The following CYP4F12 variants were observed in gnomAD, a reference collection of about 807,000 sequenced individuals.
CYP4F12 encodes the protein cytochrome P450 family 4 subfamily F member 12.
CYP4F12 carries 60 observed loss-of-function variants against 56.5 expected under a neutral mutation model. That is an observed-to-expected ratio of 1.06 (90% confidence interval 0.86 to 1.32). The LOEUF (loss-of-function observed/expected upper bound fraction) is 1.32. CYP4F12 is among the 40% of genes most tolerant of loss of function. The pLI, the probability that CYP4F12 is intolerant of heterozygous loss-of-function variation, is 0.00. For synonymous variants in CYP4F12, 263 were observed against 264.9 expected (o/e 0.99, Z 0.07); for missense variants, 711 against 683.5 (o/e 1.04, Z -0.45).
rs762064960 is a variant in CYP4F12 at position 15,683,492 on chromosome 19, G to A, written c.648-1G>A. ...CCTCCCTTTCTGCCCTTGCTCTGCA[G>A]GAGGCCCAGTGAATATATTGCCACC... On this transcript the variant is annotated splice_acceptor_variant, in intron 6 of 12. Coordinates refer to ENST00000550308, the MANE Select transcript of CYP4F12 (RefSeq NM_023944.4). LOFTEE classifies it high-confidence loss of function. 1.1e-5 allele frequency: 18 copies of A among 1,592,568 alleles called. No individual in the cohort carries two copies. In the African/African-American group the frequency reaches 2.4e-4, roughly 21 times the overall value.
chr19:15,680,241 C>T lies in CYP4F12; in HGVS notation c.344-3C>T, dbSNP rs756550831. 3 of 1,597,960 alleles carry T rather than the reference C, an allele frequency of 1.9e-6. No homozygotes were observed. In the African/African-American group the frequency reaches 4.0e-5, roughly 21 times the overall value. On this transcript the variant is annotated splice_region_variant and splice_polypyrimidine_tract_variant and intron_variant, in intron 3 of 12. Coordinates refer to ENST00000550308, the MANE Select transcript of CYP4F12 (RefSeq NM_023944.4). ...GGCCCCTGATGGTCCTCGTTCATGT[C>T]AGCTGCCATTGCACCCAAGGATAAT...
chr19:15,680,727 A>C lies in CYP4F12; in HGVS notation c.525+208A>C, dbSNP rs766411170. The C allele has an allele frequency of 6.5e-5, 42 of 646,700 alleles. No homozygotes were observed. The Admixed American group carries it at 1.1e-3, about 17-fold the overall frequency. The allele number at this position is 646,700 out of a possible 1,614,324, so 40.1% of individuals were successfully genotyped here. A position where few individuals can be genotyped will look rare whatever the true frequency, so the allele number is the denominator to read the frequency against. ...ACACAGTAGGTTCTCAGAAGGTGTC[A>C]GTTTCTGTGTTTTTCTCACAGAATC... On this transcript the variant is annotated intron_variant, in intron 5 of 12. Coordinates refer to ENST00000550308, the MANE Select transcript of CYP4F12 (RefSeq NM_023944.4).
intron 10 of CYP4F12, 35 bp from the exon 11 acceptor site, chr19:15,696,126 G>C: frequency 6.2e-7 from 1 of 1,611,854 alleles, no homozygotes; most frequent in Non-Finnish European, 8.5e-7. Context: ...TCCCTCAGGG[G>C]ATCCTTGTCC....
In CYP4F12 at chr19:15,684,862, C is replaced by T. The variant is rs1192064145; in HGVS notation, c.965C>T (p.Ala322Val). Residue 322 changes from alanine to valine, a missense_variant, in exon 8 of 13, where the codon GCT (alanine) becomes GTT (valine). Transcript: ENST00000550308. ...TCAGATGAGGATATAAGAGCAGAGG[C>T]TGACACCTTCATGTTTGGAGGTGAG... ...ALSDEDIRAE[A>V]DTFMFGGHDT... 1 of 1,607,514 alleles carries T rather than the reference C, an allele frequency of 6.2e-7. No individual in the cohort carries two copies. Among genetic ancestry groups the T allele is most frequent in the Admixed American group, 1.7e-5 (1 of 59,628 alleles).
Position 15,673,676 on chromosome 19 carries a change from G to T in CYP4F12, c.147G>T (p.Gln49His). ...TCTATAACAACTGCCGCCGGCTCCA[G>T]TGTTTCCCACAGCCCCCAAAACGGA... Reference protein sequence around the residue: ...YAFYNNCRRLQCFPQPPKRNW... With the variant: ...YAFYNNCRRLHCFPQPPKRNW... Residue 49 changes from glutamine to histidine, a missense_variant, in exon 2 of 13, where the codon CAG (glutamine) becomes CAT (histidine). Coordinates refer to ENST00000550308, the MANE Select transcript of CYP4F12 (RefSeq NM_023944.4). 6.2e-7 allele frequency: 1 copy of T among 1,614,152 alleles called. No individual in the cohort carries two copies. The highest frequency in any genetic ancestry group is 8.5e-7 in the Non-Finnish European group (1 of 1,180,010).
At chr19:15,684,693 T>C in intron 7 of CYP4F12, 123 bp from the exon 8 acceptor site, 1 of 1,000,092 alleles carries the variant, frequency 1.0e-6, no homozygotes, top group South Asian at 1.5e-5. Flanking sequence ...TTTGAGTTTC[T>C]GGAAGATCAG....
At position 15,673,628 on chromosome 19, in the gene CYP4F12, C is replaced by T. The variant is rs202174829; in HGVS notation, c.99C>T (p.Arg33=). 96 of 1,614,088 alleles carry T rather than the reference C, an allele frequency of 5.9e-5. No individual in the cohort carries two copies. The highest frequency in any genetic ancestry group is 7.4e-5 in the Non-Finnish European group (87 of 1,180,044). The part of the protein sequence containing the change: ...LLVVGSWLLA[R]ILAWTYAFYN... Reference sequence around the variant, plus strand: ...TTGTGGGCTCCTGGCTACTCGCCCGCATCCTGGCTTGGACCTATGCCTTCT... The same window carrying T: ...TTGTGGGCTCCTGGCTACTCGCCCGTATCCTGGCTTGGACCTATGCCTTCT... Residue 33 remains arginine, a synonymous_variant, in exon 2 of 13, where the codon CGC becomes CGT. Coordinates refer to ENST00000550308, the MANE Select transcript of CYP4F12 (RefSeq NM_023944.4).
intron 1 of CYP4F12, 187 bp from the exon 2 acceptor site, chr19:15,673,342 T>C (rs17641206): frequency 0.3 from 190,019 of 627,270 alleles, 32,996 homozygotes; most frequent in East Asian, 0.7. Flanking sequence ...GTTACCAGGT[T>C]ACTGGAGGCC....
At chr19:15,676,371 C>T (rs2006925810) in intron 2 of CYP4F12, among the ~76,000 whole-genome samples, 1 of 102,638 alleles carries the variant, frequency 9.7e-6, no homozygotes, top group Non-Finnish European at 2.1e-5. Flanking sequence ...TCATTCCTCT[C>T]CTCACTCACT....
intron 9 of CYP4F12, among the ~76,000 whole-genome samples, chr19:15,688,797 T>G (rs867892412): frequency 6.6e-6 from 1 of 152,116 alleles, no homozygotes; most frequent in Admixed American, 6.5e-5. Flanking sequence ...GACCCAGAAA[T>G]AAAGCCAAAT....
intron 9 of CYP4F12, among the ~76,000 whole-genome samples, chr19:15,692,441 G>A: frequency 6.6e-6 from 1 of 151,778 alleles, no homozygotes; most frequent in East Asian, 1.9e-4. Context: ...TCATTTGATG[G>A]TTATTTCTAT....
chr19:15,680,829 G>A (rs2007257342), intron 5 of CYP4F12: 1 of 388,636 alleles, frequency 2.6e-6, no homozygotes, highest in South Asian at 2.1e-5. Context: ...GAACTCATTG[G>A]CTTAGAGCCA....
At chr19:15,688,033 C>T (rs2007702954) in intron 9 of CYP4F12, among the ~76,000 whole-genome samples, 1 of 152,170 alleles carries the variant, frequency 6.6e-6, no homozygotes, top group Non-Finnish European at 1.5e-5. Flanking sequence ...AGCTGGGTGC[C>T]TGGCCTTGGA....
intron 9 of CYP4F12, among the ~76,000 whole-genome samples, chr19:15,685,403 A>C (rs1420319842): frequency 1.3e-5 from 2 of 152,218 alleles, no homozygotes; most frequent in Non-Finnish European, 2.9e-5. Flanking sequence ...CGGGCTGCTA[A>C]GAGAATTGGT....
chr19:15,681,661 G>A (rs1030117560), intron 5 of CYP4F12: 1 of 152,226 alleles, frequency 6.6e-6, no homozygotes, highest in Non-Finnish European at 1.5e-5. Context: ...TGGTCCAGGA[G>A]GAGTCATTGC....
intron 2 of CYP4F12, among the ~76,000 whole-genome samples, chr19:15,675,922 GAATT>G (rs1468054824): frequency 6.6e-6 from 1 of 152,156 alleles, no homozygotes; most frequent in African/African-American, 2.4e-5. Flanking sequence ...AGAGAGATAA[GAATT>G]TATTATGGGA....
chr19:15,680,855 G>A (rs767443812), intron 5 of CYP4F12: 7 of 349,552 alleles, frequency 2.0e-5, no homozygotes, highest in Admixed American at 4.1e-5. Context: ...GTTTACAATT[G>A]CTAACGAGTC....
At chr19:15,684,918 A>T in intron 8 of CYP4F12, 36 bp downstream of exon 8, 1 of 1,576,636 alleles carries the variant, frequency 6.3e-7, no homozygotes, top group Non-Finnish European at 8.6e-7. Flanking sequence ...GTGGAGACAG[A>T]GGTCCCTCCA....
intron 9 of CYP4F12, among the ~76,000 whole-genome samples, chr19:15,691,517 T>G (rs577722948): frequency 6.6e-6 from 1 of 152,340 alleles, no homozygotes; most frequent in South Asian, 2.1e-4. Context: ...TTTGTCCATC[T>G]TCATATTTCA....
Sources: allele counts gnomAD v4.1 joint callset (sites outside exome capture counted in the v4.1 genomes callset), GRCh38; gene constraint gnomAD v4.1.1; transcripts MANE v1.5; gene names NCBI Gene and HGNC (gene_info 2026-07-23, HGNC 2026-07-21).